Variants in SLC25A48 observed in about 807,000 individuals in gnomAD.
SLC25A48 encodes CTC-321K16.1.
In SLC25A48, 29 loss-of-function variants were observed where a neutral mutation model predicts 32.2. That is an observed-to-expected ratio of 0.90 (90% CI 0.67 to 1.23). SLC25A48 has a LOEUF of 1.23. Among genes scored for constraint, SLC25A48 ranks in the 50% most tolerant of loss-of-function variants. SLC25A48 has a pLI of 0.00. For missense variants in SLC25A48, 399 were observed against 422.7 expected (o/e 0.94, Z 0.49); for synonymous variants, 164 against 172.3 (o/e 0.95, Z 0.38).
At chr5:135,724,200 G>T (rs1300293300) in intron 3 of SLC25A48, among the ~76,000 whole-genome samples, 2 of 152,120 alleles carry the variant, frequency 1.3e-5, no homozygotes. Context: ...TTTTCCCTGT[G>T]CCAGGCACTC....
chr5:135,669,786 C>CA (rs1050036565), intron 3 of SLC25A48, among the ~76,000 whole-genome samples: 7 of 152,156 alleles, frequency 4.6e-5, no homozygotes, highest in African/African-American at 1.7e-4. Flanking sequence ...AGGTATGTCT[C>CA]AGAGTCTGTG....
chr5:135,769,454 C>G (rs1756342261), intron 3 of SLC25A48, among the ~76,000 whole-genome samples: 1 of 151,654 alleles, frequency 6.6e-6, no homozygotes, highest in African/African-American at 2.4e-5. Flanking sequence ...GGAGTGTACA[C>G]CCCACTGTGA....
At chr5:135,591,886 A>G (rs1452248751) in intron 1 of SLC25A48, among the ~76,000 whole-genome samples, 3 of 152,168 alleles carry the variant, frequency 2.0e-5, no homozygotes, top group Admixed American at 6.5e-5. Context: ...ATTTCTCCCA[A>G]ATAGATCACT....
At chr5:135,736,728 T>C (rs1268196317) in intron 3 of SLC25A48, among the ~76,000 whole-genome samples, 8 of 152,124 alleles carry the variant, frequency 5.3e-5, no homozygotes, top group Non-Finnish European at 1.2e-4. Flanking sequence ...CCCTGCATGA[T>C]TAAACACCAA....
chr5:135,852,960 C>T, intron 4 of SLC25A48, 139 bp downstream of exon 4: 3 of 1,181,126 alleles, frequency 2.5e-6, no homozygotes, highest in Non-Finnish European at 3.5e-6. Flanking sequence ...TAATTACAGG[C>T]ATACCTCGGA....
chr5:135,742,574 T>C, intron 3 of SLC25A48: 2 of 1,264,698 alleles, frequency 1.6e-6, no homozygotes, highest in Non-Finnish European at 1.1e-6. Flanking sequence ...CATTTTCTCT[T>C]TGATTTCCTC....
chr5:135,786,977 C>T (rs1756864196), intron 3 of SLC25A48, among the ~76,000 whole-genome samples: 3 of 152,022 alleles, frequency 2.0e-5, no homozygotes, highest in Admixed American at 1.3e-4. Flanking sequence ...AGTGTGTGTA[C>T]ACTATGTGTA....
intron 3 of SLC25A48, among the ~76,000 whole-genome samples, chr5:135,740,798 G>A (rs1022308684): frequency 7.2e-5 from 11 of 152,166 alleles, no homozygotes; most frequent in African/African-American, 2.7e-4. Flanking sequence ...CTGCTCAGCT[G>A]GAATTGTCTA....
At chr5:135,867,402 T>C (rs1250769789) in intron 4 of SLC25A48, among the ~76,000 whole-genome samples, 1 of 152,182 alleles carries the variant, frequency 6.6e-6, no homozygotes, top group Non-Finnish European at 1.5e-5. Context: ...TTAAGAGTCA[T>C]CAAAATTGGG....
At chr5:135,825,539 G>A (rs896783056) in intron 4 of SLC25A48, among the ~76,000 whole-genome samples, 1 of 152,182 alleles carries the variant, frequency 6.6e-6, no homozygotes, top group Admixed American at 6.5e-5. Context: ...ACATGGGCCT[G>A]TCCTTTTCTG....
chr5:135,857,898 C>T (rs2126759673), intron 4 of SLC25A48, among the ~76,000 whole-genome samples: 1 of 152,140 alleles, frequency 6.6e-6, no homozygotes, highest in East Asian at 1.9e-4. Context: ...TAAAGGGATC[C>T]TTAAAGGGCC....
chr5:135,728,837 CAA>C (rs1453316072), intron 3 of SLC25A48, among the ~76,000 whole-genome samples: 23 of 136,822 alleles, frequency 1.7e-4, no homozygotes, highest in African/African-American at 6.5e-4. Context: ...AACACATACA[CAA>C]ATACACACAC....
At chr5:135,607,228 G>C (rs914251592) in intron 1 of SLC25A48, among the ~76,000 whole-genome samples, 37 of 152,316 alleles carry the variant, frequency 2.4e-4, no homozygotes, top group Admixed American at 1.8e-3. Context: ...TTACACTGCT[G>C]CCCTTGAATT....
chr5:135,727,807 T>C (rs1400482992), intron 3 of SLC25A48, among the ~76,000 whole-genome samples: 1 of 152,222 alleles, frequency 6.6e-6, no homozygotes, highest in African/African-American at 2.4e-5. Flanking sequence ...GCTATAAAAG[T>C]AAGTCTTGAA....
At chr5:135,769,944 GT>G (rs199659544) in intron 3 of SLC25A48, among the ~76,000 whole-genome samples, 3,957 of 150,788 alleles carry the variant, frequency 0.026, 74 homozygotes, top group Middle Eastern at 0.049. Flanking sequence ...GGGGGAGAAA[GT>G]ATAGTATTAC....
intron 3 of SLC25A48, among the ~76,000 whole-genome samples, chr5:135,661,986 G>C (rs1753410027): frequency 6.6e-6 from 1 of 152,136 alleles, no homozygotes; most frequent in African/African-American, 2.4e-5. Context: ...AGAGCAAAAT[G>C]CATATTCATT....
chr5:135,869,284 G>A (rs1761458823), intron 4 of SLC25A48, among the ~76,000 whole-genome samples: 1 of 152,178 alleles, frequency 6.6e-6, no homozygotes, highest in Non-Finnish European at 1.5e-5. Context: ...TCCTGGTGAT[G>A]GGAGTCACCA....
chr5:135,732,834 G>A (rs1755261897), intron 3 of SLC25A48, among the ~76,000 whole-genome samples: 1 of 152,186 alleles, frequency 6.6e-6, no homozygotes, highest in Non-Finnish European at 1.5e-5. Context: ...AAACTGCCGT[G>A]AGGGATAGAA....
intron 3 of SLC25A48, among the ~76,000 whole-genome samples, chr5:135,724,919 T>C (rs1332295444): frequency 6.6e-6 from 1 of 152,236 alleles, no homozygotes; most frequent in Non-Finnish European, 1.5e-5. Context: ...CAGACTCGGG[T>C]GTGTGAGGAA....
Sources: gnomAD v4.1 joint callset for allele counts (sites outside exome capture counted in the v4.1 genomes callset) on GRCh38, gnomAD v4.1.1 for gene constraint, MANE v1.5 for transcripts, NCBI Gene and HGNC (gene_info 2026-07-23, HGNC 2026-07-21) for gene names.